Variants in HIBADH observed in about 807,000 individuals in gnomAD.
HIBADH encodes the protein 3-hydroxyisobutyrate dehydrogenase.
HIBADH carries 25 observed loss-of-function variants against 36.1 expected under a neutral mutation model. That is an observed-to-expected ratio of 0.69 (90% CI 0.50 to 0.97). HIBADH has a LOEUF of 0.97. HIBADH is among the 50% of genes least tolerant of loss of function. HIBADH has a pLI of 0.00. For missense variants in HIBADH, 421 were observed against 418.0 expected, an observed-to-expected ratio of 1.01 and a Z score of -0.06; for synonymous variants, 160 against 149.5, an observed-to-expected ratio of 1.07 and a Z score of -0.51.
At chr7:27,530,408 T>C (rs1022455693) in intron 7 of HIBADH, among the ~76,000 whole-genome samples, 2 of 152,118 alleles carry the variant, frequency 1.3e-5, no homozygotes, top group Admixed American at 6.5e-5. Flanking sequence ...GGTTTCACCA[T>C]GTTAGCCAGG....
At chr7:27,566,048 G>A (rs1235589790) in intron 4 of HIBADH, among the ~76,000 whole-genome samples, 1 of 151,994 alleles carries the variant, frequency 6.6e-6, no homozygotes, top group East Asian at 1.9e-4. Context: ...TTCTTTTTAT[G>A]TATTGCTGAT....
chr7:27,632,403 TTC>T lies in HIBADH; in HGVS notation c.293_294del (p.Arg98AsnfsTer38), dbSNP rs1426130830. On this transcript the variant is annotated frameshift_variant, in exon 3 of 8. Coordinates refer to ENST00000265395, the MANE Select transcript of HIBADH (RefSeq NM_152740.4). LOFTEE classifies it high-confidence loss of function. ...ATACTGGTGGGCAGCATTGTAATAA[TTC>T]TGTCAGCTTTTTCAGCAACATCTGC... ...SPADVAEKAD[R>X]IITMLPTSIN... is the part of the protein sequence containing the mutation. The T allele has an allele frequency of 1.2e-6, 2 of 1,613,494 alleles. No individual in the cohort carries two copies. The highest frequency in any genetic ancestry group is 1.3e-5 in the African/African-American group (1 of 74,872).
intron 1 of HIBADH, among the ~76,000 whole-genome samples, chr7:27,659,648 C>G (rs756876930): frequency 6.6e-6 from 1 of 152,006 alleles, no homozygotes; most frequent in South Asian, 2.1e-4. Flanking sequence ...CTTGAGCCCA[C>G]GAGGTTGAGG....
chr7:27,547,829 G>A (rs1784256206), intron 4 of HIBADH, among the ~76,000 whole-genome samples: 1 of 151,974 alleles, frequency 6.6e-6, no homozygotes, highest in Non-Finnish European at 1.5e-5. Flanking sequence ...ACTATGGCAT[G>A]TTTTACTTTG....
chr7:27,644,452 TAGAC>T (rs1193797090), intron 2 of HIBADH, among the ~76,000 whole-genome samples: 2 of 151,968 alleles, frequency 1.3e-5, no homozygotes, highest in African/African-American at 4.8e-5. Flanking sequence ...ATACAAAAAT[TAGAC>T]AGGCGTGGTG....
At chr7:27,614,525 T>A (rs750296777) in intron 4 of HIBADH, among the ~76,000 whole-genome samples, 8 of 152,224 alleles carry the variant, frequency 5.3e-5, no homozygotes, top group Non-Finnish European at 1.0e-4. Context: ...ACATTGGAGA[T>A]ATAAAATTAA....
At chr7:27,631,255 A>G (rs1785741104) in intron 3 of HIBADH, among the ~76,000 whole-genome samples, 2 of 152,188 alleles carry the variant, frequency 1.3e-5, no homozygotes, top group African/African-American at 4.8e-5. Flanking sequence ...TCTGGACCAC[A>G]CACACTGTGG....
intron 4 of HIBADH, among the ~76,000 whole-genome samples, chr7:27,626,973 C>A (rs1239762998): frequency 2.0e-5 from 3 of 152,112 alleles, no homozygotes; most frequent in African/African-American, 7.2e-5. Context: ...GGTATCTAAG[C>A]CATGCTTTCC....
At chr7:27,613,908 C>T (rs1158864983) in intron 4 of HIBADH, among the ~76,000 whole-genome samples, 1 of 152,156 alleles carries the variant, frequency 6.6e-6, no homozygotes, top group Non-Finnish European at 1.5e-5. Flanking sequence ...GATTTGCCCA[C>T]CTTGGCCTCC....
chr7:27,572,929 C>T (rs2128188297), intron 4 of HIBADH, among the ~76,000 whole-genome samples: 1 of 152,100 alleles, frequency 6.6e-6, no homozygotes, highest in South Asian at 2.1e-4. Flanking sequence ...AGAGAAATAT[C>T]ACATTCATTT....
chr7:27,632,400 T>C lies in HIBADH; in HGVS notation c.298A>G (p.Ile100Val). ...ADVAEKADRIITMLPTSINAI... is the reference protein window; with the variant it reads ...ADVAEKADRIVTMLPTSINAI... ...TTGATACTGGTGGGCAGCATTGTAATAATTCTGTCAGCTTTTTCAGCAACA... is the reference window on the plus strand; with the variant it reads ...TTGATACTGGTGGGCAGCATTGTAACAATTCTGTCAGCTTTTTCAGCAACA... The change falls in exon 3 of 8, where the codon ATT (isoleucine) becomes GTT (valine). Residue 100 changes from isoleucine (I) to valine (V), a missense_variant. Ile to Val is a conservative substitution (Grantham distance 29). Transcript: ENST00000265395. The C allele has an allele frequency of 6.2e-7, 1 of 1,613,704 alleles. No homozygotes were observed. The highest frequency in any genetic ancestry group is 8.5e-7 in the Non-Finnish European group (1 of 1,179,740).
At chr7:27,559,648 A>G (rs1251414190) in intron 4 of HIBADH, among the ~76,000 whole-genome samples, 1 of 152,014 alleles carries the variant, frequency 6.6e-6, no homozygotes, top group East Asian at 1.9e-4. Flanking sequence ...AAAAACAACA[A>G]TAACAAAAAA....
In HIBADH at chr7:27,614,759, A is replaced by C. The variant is rs907213400; in HGVS notation, c.484+14612T>G. Among the ~76,000 whole-genome samples, 3 of 152,236 alleles carry C rather than the reference A, an allele frequency of 2.0e-5. No individual in the cohort carries two copies. In the East Asian group the frequency reaches 5.8e-4, roughly 29 times the overall value. ...AACTAAAACATGTTAAAGATATGTCAAGGTATCACTTTACTTTTCTTTCTC... is the reference window on the plus strand; with the variant it reads ...AACTAAAACATGTTAAAGATATGTCCAGGTATCACTTTACTTTTCTTTCTC... On this transcript the variant is annotated intron_variant, in intron 4 of 7. Transcript: ENST00000265395.
chr7:27,560,449 T>A (rs966806718), intron 4 of HIBADH, among the ~76,000 whole-genome samples: 1 of 152,156 alleles, frequency 6.6e-6, no homozygotes, highest in Non-Finnish European at 1.5e-5. Flanking sequence ...TATTTTTTAT[T>A]TCATTAACTT....
chr7:27,542,954 GTAAAAATCT>G lies in HIBADH; in HGVS notation c.618+4_618+12del. 6.2e-7 allele frequency: 1 copy of G among 1,610,984 alleles called. No individual in the cohort carries two copies. The highest frequency in any genetic ancestry group is 8.5e-7 in the Non-Finnish European group (1 of 1,178,656). On this transcript the variant is annotated splice_donor_5th_base_variant and intron_variant, in intron 5 of 7. Transcript: ENST00000265395. ...ACATCATCAAGTCAAGGTCATTAAT[GTAAAAATCT>G]TACCTGCCCAGTCCCAACAGCTCCA...
intron 2 of HIBADH, among the ~76,000 whole-genome samples, chr7:27,638,689 C>A (rs1211385172): frequency 6.6e-6 from 1 of 152,086 alleles, no homozygotes; most frequent in African/African-American, 2.4e-5. Context: ...TGTTTGCAAA[C>A]TATGCATCCC....
At chr7:27,574,586 G>A (rs1347452023) in intron 4 of HIBADH, among the ~76,000 whole-genome samples, 1 of 152,030 alleles carries the variant, frequency 6.6e-6, no homozygotes, top group African/African-American at 2.4e-5. Context: ...GTTCAGACAT[G>A]CAAAACTTTA....
At chr7:27,552,434 C>A (rs1467194207) in intron 4 of HIBADH, among the ~76,000 whole-genome samples, 2 of 152,174 alleles carry the variant, frequency 1.3e-5, no homozygotes, top group Non-Finnish European at 2.9e-5. Context: ...TAAACACAGA[C>A]ACAAATACAT....
chr7:27,531,421 G>T, intron 6 of HIBADH, 73 bp from the exon 7 acceptor site: 2 of 1,308,372 alleles, frequency 1.5e-6, no homozygotes, highest in East Asian at 2.4e-5. Flanking sequence ...TTATGTATGG[G>T]GATGCTCCAT....
Sources: gnomAD v4.1 joint callset for allele counts (sites outside exome capture counted in the v4.1 genomes callset) on GRCh38, gnomAD v4.1.1 for gene constraint, MANE v1.5 for transcripts, NCBI Gene and HGNC (gene_info 2026-07-23, HGNC 2026-07-21) for gene names.